The following BCAS3 variants were observed in gnomAD, a reference collection of about 807,000 sequenced individuals.
The protein encoded by BCAS3 is BCAS3 microtubule associated cell migration factor.
BCAS3 carries 53 observed loss-of-function variants against 116.1 expected under a neutral mutation model. That is an observed-to-expected ratio of 0.46 (90% CI 0.37 to 0.57). The LOEUF is 0.57. Ranked by LOEUF, BCAS3 falls within the 20% of genes least tolerant of loss-of-function variation. The pLI, the probability that BCAS3 is intolerant of heterozygous loss-of-function variation, is 0.00. For missense variants in BCAS3, 917 were observed against 1,165.4 expected (o/e 0.79, Z 3.10); for synonymous variants, 391 against 408.2 (o/e 0.96, Z 0.51).
intron 22 of BCAS3, among the ~76,000 whole-genome samples, chr17:61,350,414 C>CAATAAATAAATAAATAAATA (rs55888678): frequency 2.2e-5 from 3 of 136,722 alleles, no homozygotes; most frequent in Admixed American, 7.4e-5. Flanking sequence ...GACTCTGTCT[C>CAATAAATAAATAAATAAATA]AATAAATAAA....
chr17:61,074,916 A>T lies in BCAS3; in HGVS notation c.2030-4A>T, dbSNP rs767394065. On this transcript the variant is annotated splice_region_variant and splice_polypyrimidine_tract_variant and intron_variant, in intron 19 of 23. Coordinates refer to ENST00000407086, the MANE Select transcript of BCAS3 (RefSeq NM_017679.5). ...GGTTTAAATCTATTTTCTTTCTCCT[A>T]TAGTGGTTCCCCCTGGAAGTCCTGG... The T allele has an allele frequency of 2.5e-6, 4 of 1,604,456 alleles. No homozygotes were observed. The East Asian group carries it at 8.9e-5, about 36-fold the overall frequency.
intron 22 of BCAS3, among the ~76,000 whole-genome samples, chr17:61,329,337 A>ATTT (rs199782162): frequency 3.8e-5 from 4 of 106,226 alleles, no homozygotes; most frequent in Non-Finnish European, 6.6e-5. Context: ...TATTATTATT[A>ATTT]TTATTATTTT....
chr17:61,110,719 C>T (rs2075021371), intron 22 of BCAS3, among the ~76,000 whole-genome samples: 1 of 152,144 alleles, frequency 6.6e-6, no homozygotes, highest in South Asian at 2.1e-4. Context: ...AGCCGGGAAG[C>T]TCCAACTGGG....
rs144635579 is a variant in BCAS3 at position 60,858,876 on chromosome 17, C to G, written c.477-9700C>G. Among the ~76,000 whole-genome samples the G allele has an allele frequency of 3.7e-3, 567 of 152,226 alleles. 3 individuals are homozygous for G. The highest frequency in any genetic ancestry group is 0.013 in the African/African-American group (538 of 41,550). On this transcript the variant is annotated intron_variant, in intron 7 of 23. Transcript: ENST00000407086. ...ATCTTTTCATGTGCTTACTTGCTAT[C>G]TGTATATCTTCTTTAATCAAGTATC... is the stretch of plus-strand genomic sequence containing the variant.
At chr17:61,318,763 C>T (rs3785851) in intron 22 of BCAS3, among the ~76,000 whole-genome samples, 2 of 151,946 alleles carry the variant, frequency 1.3e-5, no homozygotes, top group Non-Finnish European at 2.9e-5. Context: ...GTCCAGCTGG[C>T]GTGTCTTTGA....
chr17:61,354,236 A>C lies in BCAS3; in HGVS notation c.2426-14091A>C, dbSNP rs1324222823. On this transcript the variant is annotated intron_variant, in intron 22 of 23. Coordinates refer to ENST00000407086, the MANE Select transcript of BCAS3 (RefSeq NM_017679.5). This position sits in a 1 kb window ranked among gnomAD's most constrained non-coding sequence, Gnocchi z 4.5. ...TCATCTATGAAATGGAGTTGACAGCATCTGTCCTGCCTGTGGTAAAAATTG... is the reference window on the plus strand; with the variant it reads ...TCATCTATGAAATGGAGTTGACAGCCTCTGTCCTGCCTGTGGTAAAAATTG... The C allele has an allele frequency of 2.0e-5, 3 of 152,224 alleles. No individual in the cohort carries two copies. The highest frequency in any genetic ancestry group is 7.2e-5 in the African/African-American group (3 of 41,462). The allele number at this position is 152,224 out of a possible 1,614,324, so 9.4% of individuals were successfully genotyped here. A position where few individuals can be genotyped will look rare whatever the true frequency, so the allele number is the denominator to read the frequency against.
intron 14 of BCAS3, among the ~76,000 whole-genome samples, chr17:60,969,270 A>G (rs1168697709): frequency 6.6e-6 from 1 of 152,220 alleles, no homozygotes; most frequent in Non-Finnish European, 1.5e-5. Context: ...CTTCTAGTAG[A>G]AATTATTTTA....
At chr17:61,267,619 CCTCCTGGATTA>C (rs2049850705) in intron 22 of BCAS3, among the ~76,000 whole-genome samples, 1 of 130,372 alleles carries the variant, frequency 7.7e-6, no homozygotes, top group East Asian at 2.6e-4. Context: ...TGCCTGTAAT[CCTCCTGGATTA>C]CAGGCACACA....
At chr17:61,155,788 C>T (rs1170166562) in intron 22 of BCAS3, among the ~76,000 whole-genome samples, 1 of 152,182 alleles carries the variant, frequency 6.6e-6, no homozygotes, top group East Asian at 1.9e-4. Context: ...AAGGTGGTCT[C>T]AGGGAGGAGC....
At chr17:60,803,904 C>G (rs937662899) in intron 6 of BCAS3, among the ~76,000 whole-genome samples, 25 of 145,086 alleles carry the variant, frequency 1.7e-4, no homozygotes, top group African/African-American at 6.1e-4. Flanking sequence ...CGGGTTTGAG[C>G]GATTCTCCTG....
At chr17:60,866,805 C>T (rs2054635206) in intron 7 of BCAS3, among the ~76,000 whole-genome samples, 2 of 151,982 alleles carry the variant, frequency 1.3e-5, no homozygotes, top group Non-Finnish European at 2.9e-5. Context: ...CTTTTTTGAA[C>T]ACTTTGACCA....
chr17:61,062,966 TGTG>T (rs2070221988), intron 19 of BCAS3, among the ~76,000 whole-genome samples: 1 of 152,208 alleles, frequency 6.6e-6, no homozygotes, highest in Non-Finnish European at 1.5e-5. Flanking sequence ...AGAATATTGT[TGTG>T]GTGGAGAGGA....
At chr17:60,695,119 AT>A (rs61173709) in intron 4 of BCAS3, among the ~76,000 whole-genome samples, 6,676 of 129,020 alleles carry the variant, frequency 0.052, 236 homozygotes, top group African/African-American at 0.17. Flanking sequence ...TATATACCAC[AT>A]TTTTTTTTTT....
rs189941769 is a variant in BCAS3, at chr17:61,188,492, G to A, written c.2425+103928G>A. Among the ~76,000 whole-genome samples the A allele has an allele frequency of 9.8e-3, 1,495 of 152,308 alleles. 12 individuals are homozygous for A. The highest frequency in any genetic ancestry group is 0.017 in the Admixed American group (255 of 15,290). On this transcript the variant is annotated intron_variant, in intron 22 of 23. Transcript: ENST00000407086. The surrounding 1 kb of genome is among the most constrained non-coding windows in gnomAD (Gnocchi z 4.0). Reference sequence around the variant, plus strand: ...TGGATTTTAGGTGTTTTATATCAAAGTTGTTTATCTTAAATCTTGGCTCAT... The same window carrying A: ...TGGATTTTAGGTGTTTTATATCAAAATTGTTTATCTTAAATCTTGGCTCAT...
At chr17:60,728,181 A>G (rs576739872) in intron 5 of BCAS3, among the ~76,000 whole-genome samples, 1 of 152,186 alleles carries the variant, frequency 6.6e-6, no homozygotes, top group Admixed American at 6.5e-5. Flanking sequence ...TTGTAATATC[A>G]CACAGAATAC....
intron 8 of BCAS3, among the ~76,000 whole-genome samples, chr17:60,872,636 A>T (rs1429998769): frequency 6.6e-6 from 1 of 151,614 alleles, no homozygotes; most frequent in Non-Finnish European, 1.5e-5. Context: ...ACACACATAC[A>T]CACACACCCC....
intron 6 of BCAS3, among the ~76,000 whole-genome samples, chr17:60,763,034 C>T (rs576747995): frequency 3.9e-5 from 6 of 152,180 alleles, no homozygotes; most frequent in African/African-American, 1.4e-4. Flanking sequence ...GTGATTTTTG[C>T]ACATTGATTT....
At chr17:60,727,342 A>G (rs1234598447) in intron 5 of BCAS3, 18 of 1,454,740 alleles carry the variant, frequency 1.2e-5, no homozygotes, top group Non-Finnish European at 1.7e-5. Context: ...TCTGCCCACC[A>G]TAGCCACTCT....
In BCAS3 at chr17:61,104,794, C is replaced by T. The variant is rs772129550; in HGVS notation, c.2425+20230C>T. 1.5e-4 allele frequency among the ~76,000 whole-genome samples: 23 copies of T among 152,202 alleles called. No individual in the cohort carries two copies. Among genetic ancestry groups the T allele is most frequent in the Non-Finnish European group, 1.0e-4 (7 of 68,036 alleles). On this transcript the variant is annotated intron_variant, in intron 22 of 23. Coordinates refer to ENST00000407086, the MANE Select transcript of BCAS3 (RefSeq NM_017679.5). This position sits in a 1 kb window ranked among gnomAD's most constrained non-coding sequence, Gnocchi z 4.1. ...TCTTACATTTTACTCAGCAGAGTAA[C>T]TTTGCCCAGCCCTGGAGCAGAACAT...
Sources: allele counts gnomAD v4.1 joint callset (sites outside exome capture counted in the v4.1 genomes callset), GRCh38; gene constraint gnomAD v4.1.1; non-coding constraint Gnocchi (gnomAD v3.1); transcripts MANE v1.5; gene names NCBI Gene and HGNC (gene_info 2026-07-23, HGNC 2026-07-21).